The following SLC24A4 variants were observed in gnomAD, a reference collection of about 807,000 sequenced individuals.
SLC24A4 encodes the protein sodium/potassium/calcium exchanger 4.
Under a neutral mutation model 79.0 loss-of-function variants are expected in SLC24A4, and 53 were observed. The ratio of observed to expected loss-of-function variants is 0.67; its 90% confidence interval spans 0.54 to 0.84. The LOEUF (loss-of-function observed/expected upper bound fraction) is 0.84, where lower values mean the gene tolerates loss of function less well. Among genes scored for constraint, SLC24A4 ranks in the 40% least tolerant of loss-of-function variants. The pLI, the probability that SLC24A4 is intolerant of heterozygous loss-of-function variation, is 0.00. For missense variants in SLC24A4, 731 were observed against 822.0 expected, an observed-to-expected ratio of 0.89 and a Z score of 1.35; for synonymous variants, 323 against 323.8, an observed-to-expected ratio of 1.00 and a Z score of 0.03.
At chr14:92,341,210 G>A (rs368659711) in intron 2 of SLC24A4, among the ~76,000 whole-genome samples, 43 of 152,298 alleles carry the variant, frequency 2.8e-4, no homozygotes, top group African/African-American at 9.9e-4. Flanking sequence ...GGCCACTGGC[G>A]CCTTCTGTGA....
chr14:92,402,195 T>G (rs532254532), intron 2 of SLC24A4, among the ~76,000 whole-genome samples: 2 of 152,266 alleles, frequency 1.3e-5, no homozygotes, highest in East Asian at 3.9e-4. Context: ...GACATAAACT[T>G]GGTTCCCGTG....
At position 92,498,594 on chromosome 14, in the gene SLC24A4, T is replaced by C. The variant is rs1262444114; in HGVS notation, c.*4966T>C. On this transcript the variant is annotated 3_prime_UTR_variant, in exon 17 of 17. Transcript: ENST00000532405. ...CTGGTTGCAACCTCCACCTCCTGGG[T>C]TCAAGTGATTCTCCCACCTCAGCCT... 1 of 150,756 alleles carries C rather than the reference T, an allele frequency of 6.6e-6. No homozygotes were observed. The highest frequency in any genetic ancestry group is 2.0e-4 in the East Asian group (1 of 5,122). The allele number at this position is 150,756 out of a possible 1,614,324, so 9.3% of individuals were successfully genotyped here.
At position 92,323,963 on chromosome 14, in the gene SLC24A4, G is replaced by A; in HGVS notation, c.130+3G>A. On this transcript the variant is annotated splice_donor_region_variant and intron_variant, in intron 1 of 16. Transcript: ENST00000532405. This position sits in a 1 kb window ranked among gnomAD's most constrained non-coding sequence, Gnocchi z 4.9. ...GTCCGGCCTCTTCGGCAGCTTGGGT[G>A]GGTGCTGGTACGGGTCCCCTCTTCC... 1 of 1,610,066 alleles carries A rather than the reference G, an allele frequency of 6.2e-7. No individual in the cohort carries two copies. Among genetic ancestry groups the A allele is most frequent in the Middle Eastern group, 1.7e-4 (1 of 6,044 alleles).
intron 12 of SLC24A4, among the ~76,000 whole-genome samples, chr14:92,473,982 C>T (rs1356185852): frequency 2.0e-5 from 3 of 152,204 alleles, no homozygotes; most frequent in African/African-American, 7.2e-5. Context: ...CTCCTGTACC[C>T]AGGCACCTCT....
intron 14 of SLC24A4, among the ~76,000 whole-genome samples, chr14:92,488,179 C>G (rs1457631822): frequency 6.6e-6 from 1 of 151,392 alleles, no homozygotes. Context: ...TCAAGCGGTT[C>G]TCCTGCCTCA....
intron 2 of SLC24A4, among the ~76,000 whole-genome samples, chr14:92,343,798 G>A (rs1018733296): frequency 6.6e-6 from 1 of 151,614 alleles, no homozygotes; most frequent in African/African-American, 2.4e-5. Flanking sequence ...CGCCTCCCAG[G>A]TTCAAGGGAT....
chr14:92,349,440 G>A lies in SLC24A4; in HGVS notation c.241+23462G>A, dbSNP rs543618603. ...CTCCCAAAGTGCTGGGATTACAGGC[G>A]TGAGCCACCGTGCCCAGCCTAGAAG... On this transcript the variant is annotated intron_variant, in intron 2 of 16. Transcript: ENST00000532405. Among the ~76,000 whole-genome samples, 13 of 152,354 alleles carry A rather than the reference G, an allele frequency of 8.5e-5. No homozygotes were observed. The South Asian group carries it at 2.1e-3, about 24-fold the overall frequency.
intron 2 of SLC24A4, among the ~76,000 whole-genome samples, chr14:92,337,757 C>T (rs139321280): frequency 9.0e-4 from 137 of 152,350 alleles, no homozygotes; most frequent in African/African-American, 3.0e-3. Context: ...GGAAGTCAGA[C>T]AGCACCATTA....
intron 14 of SLC24A4, among the ~76,000 whole-genome samples, chr14:92,489,158 C>T (rs1054706991): frequency 2.0e-5 from 3 of 151,986 alleles, no homozygotes; most frequent in African/African-American, 7.3e-5. Flanking sequence ...AGCTTCCTGG[C>T]TGGGCGCGGT....
intron 2 of SLC24A4, among the ~76,000 whole-genome samples, chr14:92,400,228 C>T (rs202243484): frequency 6.6e-6 from 1 of 152,062 alleles, no homozygotes; most frequent in Non-Finnish European, 1.5e-5. Context: ...ATCACGAGGT[C>T]AGGAGATCGA....
chr14:92,388,979 C>G (rs769639331), intron 2 of SLC24A4, among the ~76,000 whole-genome samples: 111 of 150,820 alleles, frequency 7.4e-4, no homozygotes, highest in Non-Finnish European at 7.3e-4. Context: ...AACAAACAAA[C>G]TCACTTTGGG....
chr14:92,474,413 A>G (rs897628556), intron 12 of SLC24A4, among the ~76,000 whole-genome samples: 1 of 152,088 alleles, frequency 6.6e-6, no homozygotes, highest in African/African-American at 2.4e-5. Flanking sequence ...CAGAACTCAT[A>G]CAAGTGACTT....
At chr14:92,417,111 T>C (rs1022789439) in intron 2 of SLC24A4, among the ~76,000 whole-genome samples, 20 of 152,322 alleles carry the variant, frequency 1.3e-4, no homozygotes, top group East Asian at 7.7e-4. Context: ...TGGATGGGCT[T>C]GTTAGAATTG....
chr14:92,385,736 C>A (rs1333215951), intron 2 of SLC24A4, among the ~76,000 whole-genome samples: 1 of 152,170 alleles, frequency 6.6e-6, no homozygotes, highest in African/African-American at 2.4e-5. Context: ...TCTCCCCCAG[C>A]TGCCTGGGAA....
At chr14:92,326,063 G>C in intron 2 of SLC24A4, 85 bp downstream of exon 2, 1 of 934,744 alleles carries the variant, frequency 1.1e-6, no homozygotes, top group East Asian at 2.6e-5. Context: ...GTTACAGCCA[G>C]AGCTGAGAAA....
chr14:92,396,038 C>G (rs967159671), intron 2 of SLC24A4, among the ~76,000 whole-genome samples: 14 of 152,138 alleles, frequency 9.2e-5, no homozygotes, highest in African/African-American at 3.4e-4. Flanking sequence ...GTTGGCCAGG[C>G]TGGTCTTGAA....
chr14:92,363,068 C>G (rs921350307), intron 2 of SLC24A4, among the ~76,000 whole-genome samples: 7 of 152,142 alleles, frequency 4.6e-5, no homozygotes, highest in African/African-American at 1.7e-4. Flanking sequence ...AAACTAATGA[C>G]CAAGAGGAAG....
At chr14:92,415,377 G>A (rs1335870437) in intron 2 of SLC24A4, among the ~76,000 whole-genome samples, 6 of 152,294 alleles carry the variant, frequency 3.9e-5, no homozygotes, top group Middle Eastern at 3.4e-3. Flanking sequence ...GTCATGAGCC[G>A]GAATAGACTC....
intron 2 of SLC24A4, among the ~76,000 whole-genome samples, chr14:92,379,995 T>C (rs985912476): frequency 1.8e-4 from 27 of 152,096 alleles, no homozygotes; most frequent in African/African-American, 6.3e-4. Context: ...GGTACTGGGG[T>C]AGTGTCCCCC....
Sources: gnomAD v4.1 joint callset for allele counts (sites outside exome capture counted in the v4.1 genomes callset) on GRCh38, gnomAD v4.1.1 for gene constraint, Gnocchi (gnomAD v3.1) non-coding constraint, MANE v1.5 for transcripts, NCBI Gene and HGNC (gene_info 2026-07-23, HGNC 2026-07-21) for gene names.